TRIM2: variants seen among roughly 807,000 people sequenced by gnomAD.
TRIM2 encodes the protein tripartite motif-containing protein 2.
In TRIM2, 20 loss-of-function variants were observed where a neutral mutation model predicts 75.2. The ratio of observed to expected loss-of-function variants is 0.27; its 90% confidence interval spans 0.19 to 0.39. The LOEUF is 0.39. Ranked by LOEUF, TRIM2 falls within the 10% of genes least tolerant of loss-of-function variation. The probability of loss-of-function intolerance (pLI) is 1.00; values close to 1 mark genes in which losing one functional copy is unlikely to be tolerated. For synonymous variants in TRIM2, 373 were observed against 388.3 expected (o/e 0.96, Z 0.46); for missense variants, 660 against 990.8 (o/e 0.67, Z 4.48).
At chr4:153,267,293 A>T (rs1162808095) in intron 1 of TRIM2, among the ~76,000 whole-genome samples, 2 of 152,170 alleles carry the variant, frequency 1.3e-5, no homozygotes, top group Non-Finnish European at 2.9e-5. Flanking sequence ...TTTTAGAGAC[A>T]TATACTCCTT....
In TRIM2 at chr4:153,294,637, C is replaced by T. The variant is rs1380316059; in HGVS notation, c.786+152C>T. 2.1e-5 allele frequency: 18 copies of T among 873,062 alleles called. No individual in the cohort carries two copies. The East Asian group carries it at 5.2e-4, about 25-fold the overall frequency. The allele number at this position is 873,062 out of a possible 1,614,324, so 54.1% of individuals were successfully genotyped here. ...TGAATGTAATATCCAGCTATTTTTT[C>T]CCCTATTTTCAGCAAAATTCGATGA... On this transcript the variant is annotated intron_variant, in intron 5 of 11. Transcript: ENST00000338700.
At chr4:153,288,672 G>A (rs1761196241) in intron 3 of TRIM2, among the ~76,000 whole-genome samples, 1 of 151,884 alleles carries the variant, frequency 6.6e-6, no homozygotes, top group Non-Finnish European at 1.5e-5. Context: ...GCAAATATCG[G>A]TTCTTTCCCT....
intron 1 of TRIM2, among the ~76,000 whole-genome samples, chr4:153,181,495 C>G (rs1732055360): frequency 6.6e-6 from 1 of 152,180 alleles, no homozygotes; most frequent in Non-Finnish European, 1.5e-5. Context: ...CCCCAGGGGA[C>G]AGGCCAGGGA....
At chr4:153,240,435 A>C (rs1746251246) in intron 1 of TRIM2, among the ~76,000 whole-genome samples, 1 of 152,234 alleles carries the variant, frequency 6.6e-6, no homozygotes, top group South Asian at 2.1e-4. Context: ...ATTTGCATAA[A>C]CAGTAAATAT....
chr4:153,276,047 A>G lies in TRIM2; in HGVS notation c.370A>G (p.Asn124Asp). Residue 124 changes from asparagine (N) to aspartate (D), a missense_variant, in exon 3 of 12, where the codon AAC becomes GAC. Around this residue, in one of 2 missense-constraint regions of TRIM2, gnomAD observed 620 missense variants for 891.0 expected, o/e 0.70. Transcript: ENST00000338700. ...CGTGCTGCAGCGAACTCCAGGCAGC[A>G]ACGCTGAGGAGTCTTCCATCCTGGA... is the stretch of plus-strand genomic sequence containing the variant. The part of the protein sequence containing the change: ...MDVLQRTPGS[N>D]AEESSILETV... 6.2e-7 allele frequency: 1 copy of G among 1,614,230 alleles called. No homozygotes were observed. Among genetic ancestry groups the G allele is most frequent in the African/African-American group, 1.3e-5 (1 of 75,060 alleles).
chr4:153,231,822 A>G (rs1425405921), intron 1 of TRIM2, among the ~76,000 whole-genome samples: 2 of 152,110 alleles, frequency 1.3e-5, no homozygotes, highest in Non-Finnish European at 2.9e-5. Flanking sequence ...GACATCAGTC[A>G]TATTGGATTA....
chr4:153,223,092 CG>C (rs1173829379), intron 1 of TRIM2: 1 of 152,136 alleles, frequency 6.6e-6, no homozygotes, highest in Non-Finnish European at 1.5e-5. Context: ...GGGCAAGGTC[CG>C]GTGGCCGGAG....
chr4:153,243,041 G>A (rs945144849), intron 1 of TRIM2, among the ~76,000 whole-genome samples: 1 of 152,202 alleles, frequency 6.6e-6, no homozygotes, highest in African/African-American at 2.4e-5. Flanking sequence ...TAAAACCACA[G>A]GACTCTGTCA....
intron 11 of TRIM2, among the ~76,000 whole-genome samples, chr4:153,333,601 A>G (rs1195946730): frequency 1.3e-5 from 2 of 152,200 alleles, no homozygotes; most frequent in Non-Finnish European, 2.9e-5. Flanking sequence ...CAGAAGTAAC[A>G]AAGCAGAAAC....
At chr4:153,213,975 A>G (rs772685613) in intron 1 of TRIM2, among the ~76,000 whole-genome samples, 2 of 150,412 alleles carry the variant, frequency 1.3e-5, no homozygotes, top group Admixed American at 1.3e-4. Flanking sequence ...GCTTAGCACC[A>G]TAAGACATAG....
chr4:153,296,085 G>A, intron 6 of TRIM2, 49 bp downstream of exon 6: 1 of 1,503,412 alleles, frequency 6.7e-7, no homozygotes. Context: ...ACTGGTTAAG[G>A]GGTAACTGGG....
At position 153,336,359 on chromosome 4, in the gene TRIM2, CA is replaced by C. The variant is rs1206502344; in HGVS notation, c.*1403del. On this transcript the variant is annotated 3_prime_UTR_variant, in exon 12 of 12. Coordinates refer to ENST00000338700, the MANE Select transcript of TRIM2 (RefSeq NM_015271.5). ...CCTTCTGTGCTTTCAAAAAAAAAAA[CA>C]AAAAAAAAACCACACACACACATAA... 1.1e-3 allele frequency: 953 copies of C among 838,592 alleles called. 4 individuals carry two copies. The highest frequency in any genetic ancestry group is 0.01 in the African/African-American group (497 of 49,260). The allele number at this position is 838,592 out of a possible 1,614,324, so 51.9% of individuals were successfully genotyped here. A position where few individuals can be genotyped will look rare whatever the true frequency, so the allele number is the denominator to read the frequency against.
chr4:153,188,139 G>A (rs1022696837), intron 1 of TRIM2, among the ~76,000 whole-genome samples: 13 of 152,264 alleles, frequency 8.5e-5, no homozygotes, highest in Admixed American at 7.2e-4. Context: ...ACACTGGAAG[G>A]AACATTTTTA....
intron 1 of TRIM2, among the ~76,000 whole-genome samples, chr4:153,265,274 A>G (rs1754658018): frequency 6.6e-6 from 1 of 152,060 alleles, no homozygotes; most frequent in Admixed American, 6.5e-5. Context: ...AAGCTATTCA[A>G]AATAAAATTA....
At chr4:153,264,828 G>T (rs1754496803) in intron 1 of TRIM2, among the ~76,000 whole-genome samples, 1 of 152,164 alleles carries the variant, frequency 6.6e-6, no homozygotes, top group African/African-American at 2.4e-5. Flanking sequence ...CAAATCTGGG[G>T]ATCTTTGGGG....
Position 153,155,485 on chromosome 4 carries a change from G to C in TRIM2, c.-49+2215G>C, listed in dbSNP as rs377169875. Among the ~76,000 whole-genome samples the C allele has an allele frequency of 9.2e-5, 14 of 152,266 alleles. 1 individual carries two copies. The highest frequency in any genetic ancestry group is 2.9e-4 in the African/African-American group (12 of 41,562). ...GGAAAGAGGAGAGACTAAAAGAACC[G>C]AGGCTGTTTTAGGGAGAGAAGGTGG... On this transcript the variant is annotated intron_variant, in intron 1 of 11. Transcript: ENST00000437508.
At chr4:153,281,615 A>G (rs1759355215) in intron 3 of TRIM2, among the ~76,000 whole-genome samples, 2 of 152,370 alleles carry the variant, frequency 1.3e-5, no homozygotes, top group South Asian at 4.1e-4. Flanking sequence ...TAATAAAATC[A>G]ATTCATTAAC....
intron 10 of TRIM2, chr4:153,324,472 A>G (rs1163761907): frequency 4.8e-6 from 1 of 207,502 alleles, no homozygotes; most frequent in Non-Finnish European, 9.5e-6. Flanking sequence ...TAGTCAATAA[A>G]TTAAAATCAC....
intron 1 of TRIM2, among the ~76,000 whole-genome samples, chr4:153,185,210 G>T (rs1226039189): frequency 6.6e-6 from 1 of 152,154 alleles, no homozygotes; most frequent in Admixed American, 6.5e-5. Flanking sequence ...TGTGATTGTG[G>T]TTCCCCAAGA....
Sources: allele counts gnomAD v4.1 joint callset (sites outside exome capture counted in the v4.1 genomes callset), GRCh38; gene constraint gnomAD v4.1.1; regional missense constraint gnomAD v4.1.1; transcripts MANE v1.5; gene names NCBI Gene and HGNC (gene_info 2026-07-23, HGNC 2026-07-21).